Variants in DHDDS observed in about 807,000 individuals in gnomAD.
DHDDS encodes dehydrodolichyl diphosphate synthase subunit.
DHDDS carries 16 observed loss-of-function variants against 46.2 expected under a neutral mutation model. The ratio of observed to expected loss-of-function variants is 0.35; its 90% CI spans 0.23 to 0.53. The LOEUF (loss-of-function observed/expected upper bound fraction) is 0.53. DHDDS is among the 20% of genes least tolerant of loss of function. DHDDS has a pLI of 0.94. For synonymous variants in DHDDS, 151 were observed against 163.1 expected, an observed-to-expected ratio of 0.93 and a Z score of 0.56; for missense variants, 340 against 423.7, an observed-to-expected ratio of 0.80 and a Z score of 1.73.
In DHDDS at chr1:26,459,309, CTAG is replaced by C. The variant is rs531945394; in HGVS notation, c.658-726_658-724del. 1.2e-3 allele frequency among the ~76,000 whole-genome samples: 185 copies of C among 152,298 alleles called. 1 individual carries two copies. The highest frequency in any genetic ancestry group is 4.1e-3 in the African/African-American group (172 of 41,546). On this transcript the variant is annotated intron_variant, in intron 7 of 8. Transcript: ENST00000236342. ...AAAAGCCAAACAGGCTATCGGACAA[CTAG>C]TTATCCCCCATGAGGTACTGAATTC... is the stretch of plus-strand genomic sequence containing the variant.
chr1:26,466,556 C>G (rs781320983), intron 8 of DHDDS, among the ~76,000 whole-genome samples: 1 of 152,256 alleles, frequency 6.6e-6, no homozygotes, highest in Admixed American at 6.5e-5. Context: ...CCCAACTCTG[C>G]TATCTGAACA....
At chr1:26,447,715 A>G (rs2075283099) in intron 6 of DHDDS, 55 bp downstream of exon 6, 1 of 1,501,314 alleles carries the variant, frequency 6.7e-7, no homozygotes, top group Non-Finnish European at 9.2e-7. Flanking sequence ...CTGGGCCAGC[A>G]TGGCAGCTCA....
chr1:26,461,383 C>CTTT (rs71581068), intron 8 of DHDDS, among the ~76,000 whole-genome samples: 7 of 136,476 alleles, frequency 5.1e-5, no homozygotes, highest in Non-Finnish European at 9.5e-5. Context: ...ACATAGAATA[C>CTTT]TTTTTTTTTT....
At chr1:26,446,900 G>C (rs17162122) in intron 5 of DHDDS, among the ~76,000 whole-genome samples, 2,481 of 152,300 alleles carry the variant, frequency 0.016, 78 homozygotes, top group African/African-American at 0.056. Flanking sequence ...GTGTAGCTTT[G>C]AAATATAACG....
intron 4 of DHDDS, among the ~76,000 whole-genome samples, chr1:26,446,055 A>T (rs1326322535): frequency 6.6e-6 from 1 of 152,094 alleles, no homozygotes; most frequent in Non-Finnish European, 1.5e-5. Context: ...AAATCAGACA[A>T]ACTGGGTTTC....
rs139193738 is a variant in DHDDS, at chr1:26,432,978, T to C, written c.33T>C (p.Leu11=). The change falls in exon 2 of 9, where the codon CTT becomes CTC. Residue 11 remains leucine, a synonymous_variant. Coordinates refer to ENST00000236342, the MANE Select transcript of DHDDS (RefSeq NM_205861.3). MSWIKEGELS[L]WERFCANIIK... ...GGATCAAGGAAGGAGAGCTGTCACT[T>C]TGGGAGCGGTTCTGTGCCAACATCA... 39 of 1,614,210 alleles carry C rather than the reference T, an allele frequency of 2.4e-5. No homozygotes were observed. The African/African-American group carries it at 4.0e-4, about 17-fold the overall frequency.
intron 4 of DHDDS, chr1:26,443,123 C>T: frequency 1.8e-6 from 1 of 548,312 alleles, no homozygotes; most frequent in Non-Finnish European, 3.0e-6. Context: ...ACAAGTACAG[C>T]CAGCCTCAAG....
intron 7 of DHDDS, among the ~76,000 whole-genome samples, chr1:26,459,724 A>G (rs1326495636): frequency 6.6e-6 from 1 of 152,246 alleles, no homozygotes; most frequent in Non-Finnish European, 1.5e-5. Context: ...CCAAGAGCCA[A>G]TAACATAATC....
In DHDDS at chr1:26,439,015, T is replaced by A. The variant is rs192923649; in HGVS notation, c.180+731T>A. 1.1e-3 allele frequency among the ~76,000 whole-genome samples: 171 copies of A among 152,284 alleles called. 1 individual carries two copies. Among genetic ancestry groups the A allele is most frequent in the African/African-American group, 3.8e-3 (158 of 41,556 alleles). On this transcript the variant is annotated intron_variant, in intron 3 of 8. Coordinates refer to ENST00000236342, the MANE Select transcript of DHDDS (RefSeq NM_205861.3). ...TGCATGATCTCTGCTCACGGCAACCTCCGCCTCCCGGGTTCAAGTGATTTT... is the reference window on the plus strand; with the variant it reads ...TGCATGATCTCTGCTCACGGCAACCACCGCCTCCCGGGTTCAAGTGATTTT...
intron 4 of DHDDS, among the ~76,000 whole-genome samples, chr1:26,446,081 C>T (rs1276028440): frequency 6.6e-6 from 1 of 152,210 alleles, no homozygotes; most frequent in African/African-American, 2.4e-5. Flanking sequence ...TGACAAAGCA[C>T]TTGATGGCTA....
At chr1:26,437,623 G>A (rs1408854990) in intron 2 of DHDDS, among the ~76,000 whole-genome samples, 1 of 151,880 alleles carries the variant, frequency 6.6e-6, no homozygotes, top group South Asian at 2.1e-4. Context: ...CTACAGGCAT[G>A]TGCCATCATA....
chr1:26,453,617 G>C (rs2075342124), intron 6 of DHDDS, among the ~76,000 whole-genome samples: 1 of 152,070 alleles, frequency 6.6e-6, no homozygotes, highest in Non-Finnish European at 1.5e-5. Context: ...ACCTGAGTGT[G>C]GTGGCATGCA....
At chr1:26,447,831 A>G (rs2075284753) in intron 6 of DHDDS, 171 bp downstream of exon 6, 1 of 679,616 alleles carries the variant, frequency 1.5e-6, no homozygotes, top group Non-Finnish European at 2.7e-6. Context: ...CCTCTTTTCA[A>G]CAACAACAAC....
chr1:26,454,924 A>C, intron 6 of DHDDS: 1 of 1,602,246 alleles, frequency 6.2e-7, no homozygotes, highest in Non-Finnish European at 8.5e-7. Context: ...GCAAAAATTC[A>C]GCACTCTTTT....
At chr1:26,446,709 G>A (rs74061165) in intron 5 of DHDDS, among the ~76,000 whole-genome samples, 1 of 147,256 alleles carries the variant, frequency 6.8e-6, no homozygotes, top group African/African-American at 2.6e-5. Flanking sequence ...TGTGTGTGTG[G>A]GTGTGTTTTT....
chr1:26,452,545 A>G (rs2075331764), intron 6 of DHDDS, among the ~76,000 whole-genome samples: 1 of 152,186 alleles, frequency 6.6e-6, no homozygotes, highest in African/African-American at 2.4e-5. Flanking sequence ...GCTAACACTT[A>G]CTGAGCATTT....
intron 3 of DHDDS, 23 bp downstream of exon 3, chr1:26,438,307 A>G: frequency 6.2e-7 from 1 of 1,600,522 alleles, no homozygotes; most frequent in East Asian, 2.2e-5. Flanking sequence ...GGCAGAGCCC[A>G]AAGTGAACAG....
intron 7 of DHDDS, among the ~76,000 whole-genome samples, chr1:26,458,370 T>G (rs1407331761): frequency 6.6e-6 from 1 of 152,232 alleles, no homozygotes; most frequent in Non-Finnish European, 1.5e-5. Context: ...GGGAAGTCCT[T>G]GTTCTGGGAG....
intron 5 of DHDDS, among the ~76,000 whole-genome samples, chr1:26,447,064 C>G (rs538431850): frequency 6.6e-6 from 1 of 152,070 alleles, no homozygotes; most frequent in East Asian, 1.9e-4. Context: ...TGGCTGGGCA[C>G]AGTGGCTCAC....
Sources: allele counts gnomAD v4.1 joint callset (sites outside exome capture counted in the v4.1 genomes callset), GRCh38; gene constraint gnomAD v4.1.1; transcripts MANE v1.5; gene names NCBI Gene and HGNC (gene_info 2026-07-23, HGNC 2026-07-21).